Variants in FOXP2 observed in about 807,000 individuals in gnomAD.
The protein encoded by FOXP2 is forkhead box protein P2.
A neutral mutation model predicts 115.8 loss-of-function variants in FOXP2; 12 were observed. The ratio of observed to expected loss-of-function variants is 0.10; its 90% confidence interval spans 0.07 to 0.17. The LOEUF (loss-of-function observed/expected upper bound fraction) is 0.17, where lower values mean the gene tolerates loss of function less well. Ranked by LOEUF, FOXP2 falls within the 10% of genes least tolerant of loss-of-function variation. The pLI, the probability that FOXP2 is intolerant of heterozygous loss-of-function variation, is 1.00. For missense variants in FOXP2, 629 were observed against 843.5 expected (o/e 0.75, Z 3.15); for synonymous variants, 328 against 297.7 (o/e 1.10, Z -1.05).
intron 1 of FOXP2, among the ~76,000 whole-genome samples, chr7:114,207,475 T>C (rs1794228461): frequency 6.6e-6 from 1 of 152,202 alleles, no homozygotes; most frequent in African/African-American, 2.4e-5. Flanking sequence ...TTTCATTTCA[T>C]AAATACAGTA....
At chr7:114,552,912 A>G (rs1452673109) in intron 3 of FOXP2, among the ~76,000 whole-genome samples, 3 of 152,254 alleles carry the variant, frequency 2.0e-5, no homozygotes, top group East Asian at 3.9e-4. Flanking sequence ...TAGTAATAAA[A>G]ATTGTTTTTA....
At chr7:114,445,443 T>A (rs1025314116) in intron 2 of FOXP2, among the ~76,000 whole-genome samples, 1 of 152,168 alleles carries the variant, frequency 6.6e-6, no homozygotes, top group Non-Finnish European at 1.5e-5. Flanking sequence ...ACAATTCATT[T>A]CCTTTTATGT....
intron 1 of FOXP2, among the ~76,000 whole-genome samples, chr7:114,194,152 G>T (rs1018286179): frequency 6.6e-6 from 1 of 152,078 alleles, no homozygotes; most frequent in Admixed American, 6.6e-5. Context: ...TCCCATTAAT[G>T]TGCTTTAAAA....
intron 3 of FOXP2, among the ~76,000 whole-genome samples, chr7:114,605,769 G>A (rs568277709): frequency 2.6e-5 from 4 of 152,194 alleles, no homozygotes; most frequent in South Asian, 4.1e-4. Context: ...TGGGGACATG[G>A]ACCTGGAAAG....
chr7:114,256,399 G>A (rs542054614), intron 1 of FOXP2, among the ~76,000 whole-genome samples: 1 of 152,284 alleles, frequency 6.6e-6, no homozygotes, highest in African/African-American at 2.4e-5. Context: ...GAGCCACCAT[G>A]CCCAGCCAAG....
chr7:114,159,665 C>T (rs2129150195), upstream of FOXP2, among the ~76,000 whole-genome samples: 1 of 137,980 alleles, frequency 7.2e-6, no homozygotes, highest in Admixed American at 7.7e-5. Flanking sequence ...ACATCTATCC[C>T]AGCTAATCCA....
At chr7:114,567,729 A>G (rs1270636477) in intron 3 of FOXP2, among the ~76,000 whole-genome samples, 1 of 152,050 alleles carries the variant, frequency 6.6e-6, no homozygotes, top group Non-Finnish European at 1.5e-5. Context: ...TCATCTTGCT[A>G]CTTCTTTACA....
intron 3 of FOXP2, among the ~76,000 whole-genome samples, chr7:114,585,197 T>C (rs1207988816): frequency 6.6e-6 from 1 of 152,068 alleles, no homozygotes; most frequent in Non-Finnish European, 1.5e-5. Context: ...ATGGATAGAG[T>C]TTTTGTTAAG....
chr7:114,178,334 T>C (rs1232054580), intron 1 of FOXP2, among the ~76,000 whole-genome samples: 2 of 151,864 alleles, frequency 1.3e-5, no homozygotes, highest in Non-Finnish European at 2.9e-5. Flanking sequence ...GATAGTTATT[T>C]TTTTCCTATA....
intron 6 of FOXP2, among the ~76,000 whole-genome samples, chr7:114,639,549 A>G: frequency 7.6e-6 from 1 of 131,370 alleles, no homozygotes; most frequent in Non-Finnish European, 1.6e-5. Context: ...CTGGATGAGG[A>G]GTTAAGGAAT....
At chr7:114,178,389 C>T (rs561706033) in intron 1 of FOXP2, among the ~76,000 whole-genome samples, 12 of 151,672 alleles carry the variant, frequency 7.9e-5, no homozygotes, top group Non-Finnish European at 1.6e-4. Context: ...TTTTACCATC[C>T]AGTGACATTA....
chr7:114,369,731 C>T (rs945909216), intron 2 of FOXP2, among the ~76,000 whole-genome samples: 1 of 151,868 alleles, frequency 6.6e-6, no homozygotes, highest in Non-Finnish European at 1.5e-5. Flanking sequence ...TTGTTTAAGC[C>T]CCTATCAACA....
chr7:114,485,425 T>G (rs959160566), intron 2 of FOXP2, among the ~76,000 whole-genome samples: 1 of 151,794 alleles, frequency 6.6e-6, no homozygotes, highest in Admixed American at 6.6e-5. Context: ...AGGTCTTAAA[T>G]TTTTTTTAAA....
chr7:114,672,654 A>G (rs1338592142), intron 16 of FOXP2, among the ~76,000 whole-genome samples: 1 of 152,088 alleles, frequency 6.6e-6, no homozygotes, highest in Non-Finnish European at 1.5e-5. Context: ...GTATATAACT[A>G]AGCAAAACTC....
At chr7:114,359,484 A>C (rs1345168314) in intron 2 of FOXP2, among the ~76,000 whole-genome samples, 1 of 152,200 alleles carries the variant, frequency 6.6e-6, no homozygotes. Flanking sequence ...AGAATTGTAG[A>C]TCCACTGACA....
At chr7:114,335,826 G>C (rs1041518948) in intron 2 of FOXP2, among the ~76,000 whole-genome samples, 4 of 151,554 alleles carry the variant, frequency 2.6e-5, no homozygotes, top group African/African-American at 7.2e-5. Context: ...AAATGGTGTG[G>C]AGTGATTATC....
At chr7:114,150,396 C>G (rs1444628434) in intron 1 of FOXP2, among the ~76,000 whole-genome samples, 1 of 151,932 alleles carries the variant, frequency 6.6e-6, no homozygotes, top group Admixed American at 6.6e-5. Context: ...AAACCAGTGT[C>G]TTGGTATGTT....
chr7:114,478,886 T>A (rs1266206170), intron 2 of FOXP2, among the ~76,000 whole-genome samples: 1 of 151,688 alleles, frequency 6.6e-6, no homozygotes, highest in Non-Finnish European at 1.5e-5. Context: ...GGTGCTTCAG[T>A]AGCGTATTAT....
chr7:114,678,419 A>G (rs1001421738), intron 16 of FOXP2, among the ~76,000 whole-genome samples: 1 of 152,106 alleles, frequency 6.6e-6, no homozygotes, highest in African/African-American at 2.4e-5. Flanking sequence ...GCTGATATGT[A>G]GGGACATGTC....
Sources: gnomAD v4.1 joint callset for allele counts (sites outside exome capture counted in the v4.1 genomes callset) on GRCh38, gnomAD v4.1.1 for gene constraint, MANE v1.5 for transcripts, NCBI Gene and HGNC (gene_info 2026-07-23, HGNC 2026-07-21) for gene names.